The following NTNG1 variants were observed in gnomAD, a reference collection of about 807,000 sequenced individuals.
The protein encoded by NTNG1 is netrin-G1.
NTNG1 carries 16 observed loss-of-function variants against 54.0 expected under a neutral mutation model. The observed-to-expected ratio is 0.30, with a 90% CI of 0.20 to 0.45. NTNG1 has a LOEUF of 0.45. Among genes scored for constraint, NTNG1 ranks in the 20% least tolerant of loss-of-function variants. The pLI, the probability that NTNG1 is intolerant of heterozygous loss-of-function variation, is 1.00. For missense variants in NTNG1, 530 were observed against 678.7 expected (o/e 0.78, Z 2.43); for synonymous variants, 255 against 263.1 (o/e 0.97, Z 0.30).
rs544594149 is a variant in NTNG1, at chr1:107,362,168, C to G, written c.888-32986C>G. ...CAACCTCTACCCATTTTCCTCAGAA[C>G]TCTCTCTCTGATCAATTTTCTTAAG... On this transcript the variant is annotated intron_variant, in intron 3 of 7. Transcript: ENST00000370068. Among the ~76,000 whole-genome samples, 4 of 152,298 alleles carry G rather than the reference C, an allele frequency of 2.6e-5. No homozygotes were observed. The East Asian group carries it at 7.7e-4, about 29-fold the overall frequency.
intron 2 of NTNG1, among the ~76,000 whole-genome samples, chr1:107,240,108 A>G (rs555582525): frequency 7.2e-5 from 11 of 152,294 alleles, no homozygotes; most frequent in African/African-American, 2.6e-4. Flanking sequence ...TGATGATACA[A>G]TAGAGAAATG....
At chr1:107,236,433 T>C (rs1183501849) in intron 2 of NTNG1, among the ~76,000 whole-genome samples, 5 of 152,192 alleles carry the variant, frequency 3.3e-5, no homozygotes, top group African/African-American at 4.8e-5. Flanking sequence ...AGTCAGAAGA[T>C]AGGAGCACTG....
intron 2 of NTNG1, among the ~76,000 whole-genome samples, chr1:107,161,312 T>A (rs1655379433): frequency 6.6e-6 from 1 of 152,168 alleles, no homozygotes; most frequent in Admixed American, 6.5e-5. Context: ...TTAGCTTTAT[T>A]TTTCAATTAA....
chr1:107,329,217 A>G (rs1399344204), intron 3 of NTNG1, among the ~76,000 whole-genome samples: 1 of 152,138 alleles, frequency 6.6e-6, no homozygotes, highest in Non-Finnish European at 1.5e-5. Context: ...TCTTCACTTC[A>G]TGGCTGCCCC....
rs1401283069 is a variant in NTNG1, at chr1:107,227,717, C to G, written c.246+78878C>G. 4.6e-5 allele frequency among the ~76,000 whole-genome samples: 7 copies of G among 152,090 alleles called. No individual in the cohort carries two copies. The East Asian group carries it at 1.4e-3, about 29-fold the overall frequency. On this transcript the variant is annotated intron_variant, in intron 2 of 7. Coordinates refer to ENST00000370068, the MANE Select transcript of NTNG1 (RefSeq NM_001113226.3). ...ACACACACATACACACACACACACA[C>G]AGATAGACAGACACATGGAGTTATA...
intron 2 of NTNG1, among the ~76,000 whole-genome samples, chr1:107,277,183 C>T (rs993213694): frequency 2.0e-5 from 3 of 152,166 alleles, no homozygotes; most frequent in Non-Finnish European, 2.9e-5. Flanking sequence ...GAAGTGGCTG[C>T]GTTAATATCC....
intron 2 of NTNG1, among the ~76,000 whole-genome samples, chr1:107,243,206 A>G (rs2101587244): frequency 6.6e-6 from 1 of 152,344 alleles, no homozygotes; most frequent in East Asian, 1.9e-4. Context: ...ACTTGTTATA[A>G]CATCAGTGGT....
At chr1:107,382,213 C>A (rs887453286) in intron 3 of NTNG1, among the ~76,000 whole-genome samples, 1 of 152,088 alleles carries the variant, frequency 6.6e-6, no homozygotes, top group African/African-American at 2.4e-5. Flanking sequence ...CAGCATGCAA[C>A]CTCACTACAA....
At chr1:107,263,740 T>C (rs1361923249) in intron 2 of NTNG1, among the ~76,000 whole-genome samples, 1 of 152,200 alleles carries the variant, frequency 6.6e-6, no homozygotes, top group Non-Finnish European at 1.5e-5. Context: ...GAAAGAAGTA[T>C]TTGAGAGTTA....
chr1:107,144,794 A>C (rs1653986985), intron 1 of NTNG1, among the ~76,000 whole-genome samples: 1 of 151,994 alleles, frequency 6.6e-6, no homozygotes, highest in Non-Finnish European at 1.5e-5. Context: ...AAATTTATAC[A>C]CCGGAGGTCT....
chr1:107,174,435 C>T (rs969507179), intron 2 of NTNG1, among the ~76,000 whole-genome samples: 1 of 151,986 alleles, frequency 6.6e-6, no homozygotes, highest in South Asian at 2.1e-4. Context: ...TCTTGTCTCC[C>T]TCCTTCTGCC....
chr1:107,150,175 C>T (rs1164644563), intron 2 of NTNG1, among the ~76,000 whole-genome samples: 1 of 152,042 alleles, frequency 6.6e-6, no homozygotes, highest in East Asian at 1.9e-4. Context: ...TACTAAAGTG[C>T]CCTGAAAGAC....
intron 3 of NTNG1, among the ~76,000 whole-genome samples, chr1:107,350,170 A>G (rs375927001): frequency 7.2e-5 from 11 of 152,226 alleles, no homozygotes; most frequent in African/African-American, 2.2e-4. Context: ...CTAAATGTCT[A>G]TCATTCTTGT....
intron 2 of NTNG1, among the ~76,000 whole-genome samples, chr1:107,213,113 G>A (rs1204042318): frequency 6.6e-6 from 1 of 151,416 alleles, no homozygotes; most frequent in East Asian, 1.9e-4. Flanking sequence ...TTCTCATTTT[G>A]TCATGAAATA....
At chr1:107,190,761 C>T (rs1277288516) in intron 2 of NTNG1, among the ~76,000 whole-genome samples, 1 of 152,138 alleles carries the variant, frequency 6.6e-6, no homozygotes, top group East Asian at 1.9e-4. Context: ...TGAACTCATC[C>T]CTTTTTATGG....
chr1:107,151,243 A>G (rs1417591278), intron 2 of NTNG1, among the ~76,000 whole-genome samples: 1 of 152,218 alleles, frequency 6.6e-6, no homozygotes, highest in East Asian at 1.9e-4. Flanking sequence ...TAATACAGCA[A>G]CACATTCACT....
At chr1:107,416,287 G>A (rs1212887324) in intron 5 of NTNG1, among the ~76,000 whole-genome samples, 1 of 152,016 alleles carries the variant, frequency 6.6e-6, no homozygotes, top group Non-Finnish European at 1.5e-5. Context: ...AACGAAGTTA[G>A]GCATTCTACA....
At chr1:107,473,245 G>T (rs187666317) in intron 7 of NTNG1, among the ~76,000 whole-genome samples, 33 of 152,274 alleles carry the variant, frequency 2.2e-4, no homozygotes, top group Admixed American at 1.8e-3. Context: ...TACAGACCCA[G>T]CATTGCTCAA....
At chr1:107,474,718 G>A (rs753896641) in intron 7 of NTNG1, among the ~76,000 whole-genome samples, 1 of 152,166 alleles carries the variant, frequency 6.6e-6, no homozygotes, top group Non-Finnish European at 1.5e-5. Context: ...GGCATCACAT[G>A]ATTGAAGGGC....
Sources: gnomAD v4.1 joint callset for allele counts (sites outside exome capture counted in the v4.1 genomes callset) on GRCh38, gnomAD v4.1.1 for gene constraint, MANE v1.5 for transcripts, NCBI Gene and HGNC (gene_info 2026-07-23, HGNC 2026-07-21) for gene names.